SNTG1: variants seen among roughly 807,000 people sequenced by gnomAD.
The protein encoded by SNTG1 is gamma-1-syntrophin.
A neutral mutation model predicts 74.7 loss-of-function variants in SNTG1; 39 were observed. The ratio of observed to expected loss-of-function variants is 0.52; its 90% confidence interval spans 0.40 to 0.68. The LOEUF is 0.68. SNTG1 is among the 30% of genes least tolerant of loss of function. SNTG1 has a pLI of 0.00. For missense variants in SNTG1, 685 were observed against 609.5 expected, an observed-to-expected ratio of 1.12 and a Z score of -1.30; for synonymous variants, 254 against 217.1, an observed-to-expected ratio of 1.17 and a Z score of -1.49.
At chr8:50,689,979 G>T (rs557516328) in intron 15 of SNTG1, among the ~76,000 whole-genome samples, 4 of 152,246 alleles carry the variant, frequency 2.6e-5, no homozygotes, top group African/African-American at 9.6e-5. Context: ...AGTCTTGGGA[G>T]GATGTATGTG....
At chr8:50,069,964 G>A (rs1485455254) in intron 1 of SNTG1, among the ~76,000 whole-genome samples, 1 of 152,116 alleles carries the variant, frequency 6.6e-6, no homozygotes, top group Non-Finnish European at 1.5e-5. Context: ...AGGCTGTGCA[G>A]CAGGTGGTCT....
chr8:50,552,965 A>G (rs1278018332), intron 11 of SNTG1, 85 bp from the exon 12 acceptor site: 4 of 1,502,346 alleles, frequency 2.7e-6, no homozygotes, highest in Admixed American at 2.0e-5. Flanking sequence ...TGTATGAAAG[A>G]TAAGCTTTTC....
At chr8:50,586,609 T>G (rs1015744065) in intron 12 of SNTG1, among the ~76,000 whole-genome samples, 2 of 151,660 alleles carry the variant, frequency 1.3e-5, no homozygotes, top group Non-Finnish European at 2.9e-5. Context: ...TAAAAGATTT[T>G]AGAAGTAAAT....
intron 2 of SNTG1, among the ~76,000 whole-genome samples, chr8:50,226,682 G>T (rs931408982): frequency 6.6e-6 from 1 of 152,074 alleles, no homozygotes; most frequent in Non-Finnish European, 1.5e-5. Flanking sequence ...CCCACTTTGG[G>T]TTGTCACCTT....
intron 2 of SNTG1, among the ~76,000 whole-genome samples, chr8:50,338,024 T>C (rs1397221866): frequency 6.6e-6 from 1 of 151,680 alleles, no homozygotes; most frequent in Non-Finnish European, 1.5e-5. Context: ...TAGTCCCAGC[T>C]ACTCAGGAGG....
At chr8:50,078,878 C>A (rs879603205) in intron 1 of SNTG1, among the ~76,000 whole-genome samples, 5 of 152,146 alleles carry the variant, frequency 3.3e-5, no homozygotes, top group Non-Finnish European at 4.4e-5. Context: ...CATGTCCCTG[C>A]AAAGGACATG....
chr8:50,139,607 C>G (rs2081590995), intron 1 of SNTG1, among the ~76,000 whole-genome samples: 1 of 152,178 alleles, frequency 6.6e-6, no homozygotes, highest in African/African-American at 2.4e-5. Flanking sequence ...ACTTAAAAGA[C>G]TAGAAAGACA....
chr8:50,148,810 T>A (rs1437015188), intron 1 of SNTG1, among the ~76,000 whole-genome samples: 1 of 152,210 alleles, frequency 6.6e-6, no homozygotes, highest in African/African-American at 2.4e-5. Flanking sequence ...TGATGCACAT[T>A]TGGGTTGGTT....
At chr8:49,989,825 C>A (rs75615402) in intron 1 of SNTG1, among the ~76,000 whole-genome samples, 6,793 of 151,740 alleles carry the variant, frequency 0.045, 515 homozygotes, top group African/African-American at 0.15. Flanking sequence ...TATATTGATA[C>A]AGTAATAAAG....
chr8:49,942,857 C>T (rs1281228060), intron 1 of SNTG1, among the ~76,000 whole-genome samples: 2 of 152,190 alleles, frequency 1.3e-5, no homozygotes, highest in Non-Finnish European at 2.9e-5. Context: ...TGTCCGGTTT[C>T]TCCTCTGTAA....
Position 50,268,293 on chromosome 8 carries a change from G to C in SNTG1, c.-28+95658G>C, listed in dbSNP as rs2087583755. On this transcript the variant is annotated intron_variant, in intron 2 of 18. Coordinates refer to ENST00000642720, the MANE Select transcript of SNTG1 (RefSeq NM_018967.5). ...AAATGGAGAGACATATTATGTTCAT[G>C]GATCCAGAAGTAATGGAAGATTCAG... Among the ~76,000 whole-genome samples, 3 of 152,220 alleles carry C rather than the reference G, an allele frequency of 2.0e-5. No individual in the cohort carries two copies. The South Asian group carries it at 6.2e-4, about 32-fold the overall frequency.
At chr8:50,357,186 CA>C (rs1471457270) in intron 2 of SNTG1, among the ~76,000 whole-genome samples, 2 of 152,152 alleles carry the variant, frequency 1.3e-5, no homozygotes, top group African/African-American at 4.8e-5. Flanking sequence ...TCCTTCCCCT[CA>C]GTCACCAGGG....
chr8:50,415,077 G>A (rs78238795), intron 4 of SNTG1, among the ~76,000 whole-genome samples: 7,121 of 152,162 alleles, frequency 0.047, 217 homozygotes, highest in Middle Eastern at 0.095. Context: ...AGTAATTTGA[G>A]CTGCATAAAT....
intron 8 of SNTG1, among the ~76,000 whole-genome samples, chr8:50,496,996 A>AAATG (rs2093910584): frequency 6.6e-6 from 1 of 150,530 alleles, no homozygotes. Flanking sequence ...AAAAAACACT[A>AAATG]TCTCAATCCT....
Position 50,466,385 on chromosome 8 carries a change from T to C in SNTG1, c.363+15656T>C, listed in dbSNP as rs1343432182. On this transcript the variant is annotated intron_variant, in intron 8 of 18. Transcript: ENST00000642720. ...TGTGGAGCTATTTCTGGTCTTTTTGTTCTCTTCCATTGATCATGTGTATTC... is the reference window on the plus strand; with the variant it reads ...TGTGGAGCTATTTCTGGTCTTTTTGCTCTCTTCCATTGATCATGTGTATTC... 3.3e-5 allele frequency among the ~76,000 whole-genome samples: 5 copies of C among 152,180 alleles called. No individual in the cohort carries two copies. The South Asian group carries it at 8.3e-4, about 25-fold the overall frequency.
chr8:50,006,263 G>A (rs1815228918), intron 1 of SNTG1, among the ~76,000 whole-genome samples: 1 of 152,072 alleles, frequency 6.6e-6, no homozygotes, highest in Non-Finnish European at 1.5e-5. Context: ...GCCCGGCCTA[G>A]TAGCACTTTT....
chr8:50,115,929 A>C (rs2080805222), intron 1 of SNTG1, among the ~76,000 whole-genome samples: 1 of 152,086 alleles, frequency 6.6e-6, no homozygotes, highest in Non-Finnish European at 1.5e-5. Flanking sequence ...AATGTCAGTC[A>C]TACACTACAG....
At chr8:49,964,397 A>G (rs1003859641) in intron 1 of SNTG1, among the ~76,000 whole-genome samples, 1 of 152,244 alleles carries the variant, frequency 6.6e-6, no homozygotes, top group Non-Finnish European at 1.5e-5. Flanking sequence ...TGATCACATG[A>G]GCCAATACCT....
chr8:50,624,838 G>A (rs768815699), intron 13 of SNTG1, among the ~76,000 whole-genome samples: 8 of 152,088 alleles, frequency 5.3e-5, no homozygotes, highest in Admixed American at 1.3e-4. Flanking sequence ...AAGTTCCAAC[G>A]GCATTGAGGT....
Sources: gnomAD v4.1 joint callset for allele counts (sites outside exome capture counted in the v4.1 genomes callset) on GRCh38, gnomAD v4.1.1 for gene constraint, MANE v1.5 for transcripts, NCBI Gene and HGNC (gene_info 2026-07-23, HGNC 2026-07-21) for gene names.